The following SLC24A3 variants were observed in gnomAD, a reference collection of about 807,000 sequenced individuals.
The protein encoded by SLC24A3 is sodium/potassium/calcium exchanger 3.
In SLC24A3, 28 loss-of-function variants were observed where a neutral mutation model predicts 75.8. That is an observed-to-expected ratio of 0.37 (90% CI 0.27 to 0.51). SLC24A3 has a LOEUF of 0.51. Among genes scored for constraint, SLC24A3 ranks in the 20% least tolerant of loss-of-function variants. The pLI, the probability that SLC24A3 is intolerant of heterozygous loss-of-function variation, is 0.94. For synonymous variants in SLC24A3, 372 were observed against 334.1 expected (o/e 1.11, Z -1.24); for missense variants, 663 against 847.8 (o/e 0.78, Z 2.71).
chr20:19,378,297 A>T (rs1475847023), intron 2 of SLC24A3, among the ~76,000 whole-genome samples: 1 of 152,170 alleles, frequency 6.6e-6, no homozygotes, highest in East Asian at 1.9e-4. Context: ...TTTAAAAAAA[A>T]AAAATAAAGT....
intron 2 of SLC24A3, among the ~76,000 whole-genome samples, chr20:19,335,724 G>A (rs1425366214): frequency 6.6e-6 from 1 of 152,160 alleles, no homozygotes. Context: ...TGGGTCAAGG[G>A]TATTCAGAAG....
chr20:19,462,485 G>A (rs58248737), intron 2 of SLC24A3, among the ~76,000 whole-genome samples: 2,489 of 152,222 alleles, frequency 0.016, 67 homozygotes, highest in East Asian at 0.1. Flanking sequence ...ACACACTTGA[G>A]AACCACTGCC....
At chr20:19,458,236 T>G (rs1300266566) in intron 2 of SLC24A3, among the ~76,000 whole-genome samples, 1 of 152,202 alleles carries the variant, frequency 6.6e-6, no homozygotes, top group African/African-American at 2.4e-5. Flanking sequence ...CGTATTCTTT[T>G]TATTGTTAGT....
At chr20:19,243,074 G>C (rs1982378535) in intron 1 of SLC24A3, among the ~76,000 whole-genome samples, 1 of 152,010 alleles carries the variant, frequency 6.6e-6, no homozygotes, top group East Asian at 1.9e-4. Context: ...TTTTATTTGA[G>C]ATGTTTTATG....
intron 3 of SLC24A3, among the ~76,000 whole-genome samples, chr20:19,560,863 T>A (rs2030864070): frequency 6.6e-6 from 1 of 152,222 alleles, no homozygotes; most frequent in Admixed American, 6.5e-5. Context: ...TGTCAGTCCT[T>A]AAAATATATG....
In SLC24A3 at chr20:19,297,491, G is replaced by A. The variant is rs563625729; in HGVS notation, c.271+16404G>A. Among the ~76,000 whole-genome samples the A allele has an allele frequency of 8.7e-4, 133 of 152,288 alleles. 1 individual carries two copies. Among genetic ancestry groups the A allele is most frequent in the East Asian group, 1.7e-3 (9 of 5,178 alleles). ...CATAGATTAGTTTGTGCCTGTTCTA[G>A]AACTTTATGTGCATGAATCCTACAA... On this transcript the variant is annotated intron_variant, in intron 2 of 16. Coordinates refer to ENST00000328041, the MANE Select transcript of SLC24A3 (RefSeq NM_020689.4).
intron 2 of SLC24A3, among the ~76,000 whole-genome samples, chr20:19,437,540 G>A (rs1987226687): frequency 6.6e-6 from 1 of 152,206 alleles, no homozygotes. Context: ...TAGTAGAAGT[G>A]AGAAGACAGA....
intron 2 of SLC24A3, among the ~76,000 whole-genome samples, chr20:19,435,613 G>C (rs960687157): frequency 2.6e-5 from 4 of 152,110 alleles, no homozygotes; most frequent in African/African-American, 4.8e-5. Context: ...GGTCACCTTT[G>C]GAGCTTTTTC....
intron 1 of SLC24A3, among the ~76,000 whole-genome samples, chr20:19,238,112 G>T (rs932765462): frequency 6.6e-6 from 1 of 152,098 alleles, no homozygotes; most frequent in African/African-American, 2.4e-5. Context: ...GACAGCAGCC[G>T]CCAAATTAAG....
chr20:19,325,065 G>A (rs1241057455), intron 2 of SLC24A3, among the ~76,000 whole-genome samples: 1 of 142,670 alleles, frequency 7.0e-6, no homozygotes, highest in African/African-American at 2.6e-5. Context: ...ACTCATGTTT[G>A]TCATTCTCTT....
At chr20:19,292,154 G>T (rs1488484985) in intron 2 of SLC24A3, among the ~76,000 whole-genome samples, 7 of 152,144 alleles carry the variant, frequency 4.6e-5, no homozygotes, top group Admixed American at 4.6e-4. Context: ...GAGAAGTGGG[G>T]ATCATTCATG....
chr20:19,383,987 A>G (rs1986228446), intron 2 of SLC24A3, among the ~76,000 whole-genome samples: 2 of 152,096 alleles, frequency 1.3e-5, no homozygotes, highest in Non-Finnish European at 2.9e-5. Flanking sequence ...TTTTATTTTT[A>G]TCTTTTGCTA....
At chr20:19,362,429 C>T (rs946678372) in intron 2 of SLC24A3, among the ~76,000 whole-genome samples, 3 of 152,078 alleles carry the variant, frequency 2.0e-5, no homozygotes, top group African/African-American at 7.2e-5. Context: ...TTTTTCGTGA[C>T]AAGTGGAAAT....
chr20:19,533,792 A>G (rs911900597), intron 3 of SLC24A3, among the ~76,000 whole-genome samples: 3 of 152,196 alleles, frequency 2.0e-5, no homozygotes, highest in Non-Finnish European at 4.4e-5. Flanking sequence ...AGTTGACCCA[A>G]CCATATCTAT....
intron 2 of SLC24A3, among the ~76,000 whole-genome samples, chr20:19,286,593 A>G (rs1983825077): frequency 2.0e-5 from 3 of 152,228 alleles, no homozygotes; most frequent in African/African-American, 7.2e-5. Context: ...AGGGCTTGTC[A>G]GAAGTAACAT....
At chr20:19,559,610 C>T (rs1432005550) in intron 3 of SLC24A3, among the ~76,000 whole-genome samples, 1 of 152,096 alleles carries the variant, frequency 6.6e-6, no homozygotes, top group East Asian at 1.9e-4. Context: ...TTCTAGAGGA[C>T]TTTCAAGTGG....
intron 2 of SLC24A3, among the ~76,000 whole-genome samples, chr20:19,314,964 C>T (rs1234524808): frequency 1.3e-5 from 2 of 152,134 alleles, no homozygotes; most frequent in Non-Finnish European, 2.9e-5. Flanking sequence ...CATGTTGTGG[C>T]ATTTGGTCAA....
intron 2 of SLC24A3, among the ~76,000 whole-genome samples, chr20:19,374,362 C>T (rs753507369): frequency 1.1e-4 from 16 of 152,160 alleles, no homozygotes; most frequent in Non-Finnish European, 1.5e-4. Context: ...GCTGGGACAC[C>T]GGTGAAGCAG....
At chr20:19,298,675 T>G (rs1203087062) in intron 2 of SLC24A3, among the ~76,000 whole-genome samples, 1 of 152,234 alleles carries the variant, frequency 6.6e-6, no homozygotes, top group African/African-American at 2.4e-5. Context: ...CCTAAGTTCC[T>G]TCTGCAAGAA....
Sources: gnomAD v4.1 joint callset for allele counts (sites outside exome capture counted in the v4.1 genomes callset) on GRCh38, gnomAD v4.1.1 for gene constraint, MANE v1.5 for transcripts, NCBI Gene and HGNC (gene_info 2026-07-23, HGNC 2026-07-21) for gene names.